The following ZDHHC21 variants were observed in gnomAD, a reference collection of about 807,000 sequenced individuals.
The protein encoded by ZDHHC21 is zDHHC palmitoyltransferase 21.
A neutral mutation model predicts 34.6 loss-of-function variants in ZDHHC21; 15 were observed. The ratio of observed to expected loss-of-function variants is 0.43; its 90% CI spans 0.29 to 0.67. The LOEUF is 0.67. ZDHHC21 is among the 30% of genes least tolerant of loss of function. The pLI, the probability that ZDHHC21 is intolerant of heterozygous loss-of-function variation, is 0.14. For missense variants in ZDHHC21, 344 were observed against 327.7 expected, an observed-to-expected ratio of 1.05 and a Z score of -0.38; for synonymous variants, 142 against 101.8, an observed-to-expected ratio of 1.40 and a Z score of -2.38.
At position 14,662,331 on chromosome 9, in the gene ZDHHC21, A is replaced by G; in HGVS notation, c.254-5T>C. On this transcript the variant is annotated splice_polypyrimidine_tract_variant and splice_region_variant and intron_variant, in intron 5 of 9. Coordinates refer to ENST00000380916, the MANE Select transcript of ZDHHC21 (RefSeq NM_178566.6). ...ATAATTCCCAGAACTCCCTTTCTAAAGAAAAGAAATTAAAATCCATTTAAT... is the reference window on the plus strand; with the variant it reads ...ATAATTCCCAGAACTCCCTTTCTAAGGAAAAGAAATTAAAATCCATTTAAT... 6.3e-7 allele frequency: 1 copy of G among 1,597,636 alleles called. No individual in the cohort carries two copies. Among genetic ancestry groups the G allele is most frequent in the Non-Finnish European group, 8.5e-7 (1 of 1,173,398 alleles).
At chr9:14,610,207 C>A (rs1823157220), downstream of ZDHHC21, among the ~76,000 whole-genome samples, 2 of 151,826 alleles carry the variant, frequency 1.3e-5, no homozygotes, top group South Asian at 4.1e-4. Context: ...TTGGGGCCTG[C>A]AGTAATTTTT....
chr9:14,686,568 C>G (rs748462886), intron 2 of ZDHHC21, among the ~76,000 whole-genome samples: 1 of 152,170 alleles, frequency 6.6e-6, no homozygotes, highest in African/African-American at 2.4e-5. Flanking sequence ...TTTCTATGGT[C>G]CATAGTTATT....
chr9:14,630,406 T>C (rs1304533946), intron 8 of ZDHHC21, among the ~76,000 whole-genome samples: 3 of 152,226 alleles, frequency 2.0e-5, no homozygotes, highest in Non-Finnish European at 2.9e-5. Context: ...TTATTTCTCT[T>C]GTTATTTCTA....
At chr9:14,621,075 T>A (rs1198800354) in intron 8 of ZDHHC21, among the ~76,000 whole-genome samples, 1 of 152,080 alleles carries the variant, frequency 6.6e-6, no homozygotes, top group Non-Finnish European at 1.5e-5. Context: ...AGGAAGTAAG[T>A]CATTTTAATG....
chr9:14,612,428 G>C lies in ZDHHC21; in HGVS notation c.*6538C>G. 6.6e-6 allele frequency: 1 copy of C among 151,930 alleles called. No homozygotes were observed. Among genetic ancestry groups the C allele is most frequent in the East Asian group, 1.9e-4 (1 of 5,188 alleles). The allele number at this position is 151,930 out of a possible 1,614,324, so 9.4% of individuals were successfully genotyped here. On this transcript the variant is annotated 3_prime_UTR_variant, in exon 10 of 10. Transcript: ENST00000380916. The stretch of plus-strand genomic sequence containing the variant: ...TGAGAATTTTAAAGGGAAAAATCTG[G>C]AACCCAAATAATATACATAGCAGCA...
chr9:14,607,840 G>A (rs965143541), downstream of ZDHHC21, among the ~76,000 whole-genome samples: 1 of 152,154 alleles, frequency 6.6e-6, no homozygotes, highest in Non-Finnish European at 1.5e-5. Flanking sequence ...GACCCTCTTA[G>A]AAGGTTCCTA....
intron 8 of ZDHHC21, among the ~76,000 whole-genome samples, chr9:14,625,828 A>G (rs1208395954): frequency 6.6e-6 from 1 of 152,028 alleles, no homozygotes; most frequent in East Asian, 1.9e-4. Flanking sequence ...AGTTGAAAAA[A>G]CAAGTCCTAA....
rs113259147 is a variant in ZDHHC21, at chr9:14,636,637, G to C, written c.621+3259C>G. On this transcript the variant is annotated intron_variant, in intron 8 of 9. Coordinates refer to ENST00000380916, the MANE Select transcript of ZDHHC21 (RefSeq NM_178566.6). ...CATCAGCAAATGGAACATTTTCCAAGATAGACCATAGGTTAGGACACAAAA... is the reference window on the plus strand; with the variant it reads ...CATCAGCAAATGGAACATTTTCCAACATAGACCATAGGTTAGGACACAAAA... Among the ~76,000 whole-genome samples the C allele has an allele frequency of 4.1e-3, 625 of 152,156 alleles. 4 individuals carry two copies. The highest frequency in any genetic ancestry group is 6.5e-3 in the Non-Finnish European group (442 of 67,984).
intron 5 of ZDHHC21, among the ~76,000 whole-genome samples, chr9:14,663,628 T>TTA (rs1439997432): frequency 6.6e-6 from 1 of 152,014 alleles, no homozygotes; most frequent in African/African-American, 2.4e-5. Flanking sequence ...TGCTGGACTT[T>TTA]TATATAGTAA....
intron 8 of ZDHHC21, among the ~76,000 whole-genome samples, chr9:14,638,340 T>C (rs1828680393): frequency 1.3e-5 from 2 of 151,962 alleles, no homozygotes; most frequent in South Asian, 4.1e-4. Flanking sequence ...TCCATATGCA[T>C]AAGAATGAAG....
chr9:14,628,190 C>A (rs1390339355), intron 8 of ZDHHC21, among the ~76,000 whole-genome samples: 1 of 152,014 alleles, frequency 6.6e-6, no homozygotes, highest in East Asian at 1.9e-4. Context: ...AATCTTTTAA[C>A]CTTGAAAATG....
chr9:14,641,827 A>G (rs972086499), intron 7 of ZDHHC21, among the ~76,000 whole-genome samples: 5 of 152,068 alleles, frequency 3.3e-5, no homozygotes, highest in African/African-American at 1.2e-4. Flanking sequence ...TAATATTTAT[A>G]TAAAAGAGTG....
At chr9:14,609,298 G>C (rs992661174), downstream of ZDHHC21, among the ~76,000 whole-genome samples, 1 of 152,096 alleles carries the variant, frequency 6.6e-6, no homozygotes, top group Non-Finnish European at 1.5e-5. Context: ...TATTACTAAA[G>C]AAAAGCACTT....
downstream of ZDHHC21, among the ~76,000 whole-genome samples, chr9:14,610,594 T>A (rs1823175864): frequency 6.6e-6 from 1 of 152,030 alleles, no homozygotes; most frequent in Non-Finnish European, 1.5e-5. Context: ...ACCTGCTGAT[T>A]GATTTGTCTT....
At chr9:14,648,892 T>C (rs1830725616) in intron 7 of ZDHHC21, among the ~76,000 whole-genome samples, 1 of 152,096 alleles carries the variant, frequency 6.6e-6, no homozygotes, top group Admixed American at 6.6e-5. Flanking sequence ...AACCACAGCT[T>C]ATACGTACTT....
At chr9:14,643,781 T>C (rs1282908060) in intron 7 of ZDHHC21, among the ~76,000 whole-genome samples, 1 of 152,212 alleles carries the variant, frequency 6.6e-6, no homozygotes, top group Admixed American at 6.5e-5. Flanking sequence ...ATGACTTATC[T>C]AAAAAGCTGT....
the ZDHHC21 span, among the ~76,000 whole-genome samples, chr9:14,590,557 A>G: frequency 6.6e-6 from 1 of 152,186 alleles, no homozygotes; most frequent in Non-Finnish European, 1.5e-5. Flanking sequence ...ACTTCTCACC[A>G]GAAAATATAA....
intron 7 of ZDHHC21, among the ~76,000 whole-genome samples, chr9:14,645,142 T>G (rs112450257): frequency 0.012 from 1,782 of 152,156 alleles, 16 homozygotes; most frequent in Middle Eastern, 0.024. Context: ...GGAGAAAATT[T>G]CCATAGGAGG....
chr9:14,693,185 TG>T, intron 1 of ZDHHC21, 43 bp downstream of exon 1: 1 of 181,962 alleles, frequency 5.5e-6, no homozygotes, highest in Admixed American at 1.0e-4. Flanking sequence ...CGGATGGGGA[TG>T]GGGGTGGGGG....
Sources: gnomAD v4.1 joint callset for allele counts (sites outside exome capture counted in the v4.1 genomes callset) on GRCh38, gnomAD v4.1.1 for gene constraint, MANE v1.5 for transcripts, NCBI Gene and HGNC (gene_info 2026-07-23, HGNC 2026-07-21) for gene names.